Variants in GPR155 observed in about 807,000 individuals in gnomAD.
GPR155 encodes the protein lysosomal cholesterol signaling protein.
In GPR155, 65 loss-of-function variants were observed where a neutral mutation model predicts 93.1. That is an observed-to-expected ratio of 0.70 (90% confidence interval 0.57 to 0.86). The LOEUF (loss-of-function observed/expected upper bound fraction) is 0.86. GPR155 is among the 40% of genes least tolerant of loss of function. The probability of loss-of-function intolerance (pLI) is 0.00; values close to 1 mark genes in which losing one functional copy is unlikely to be tolerated. For synonymous variants in GPR155, 319 were observed against 360.1 expected (o/e 0.89, Z 1.29); for missense variants, 838 against 1,034.8 (o/e 0.81, Z 2.61).
Position 174,481,866 on chromosome 2 carries a change from T to C in GPR155, c.91A>G (p.Thr31Ala). The C allele has an allele frequency of 6.2e-7, 1 of 1,614,122 alleles. No homozygotes were observed. The highest frequency in any genetic ancestry group is 2.2e-5 in the East Asian group (1 of 44,882). The part of the protein sequence containing the change: ...PTAVTHGFNS[T>A]NDPPSMSITR... ...ATTGACATTGAAGGTGGGTCATTAG[T>C]GGAATTAAATCCATGCGTTACTGCT... Residue 31 changes from threonine to alanine, a missense_variant, in exon 2 of 16, where the codon ACT (threonine) becomes GCT (alanine). Transcript: ENST00000392552.
chr2:174,443,728 A>T (rs75289667), intron 13 of GPR155, among the ~76,000 whole-genome samples: 2 of 147,486 alleles, frequency 1.4e-5, no homozygotes, highest in Admixed American at 1.4e-4. Flanking sequence ...CATCTCAATT[A>T]AAAAAAAAAA....
At chr2:174,485,532 G>A (rs1271495637) in intron 1 of GPR155, among the ~76,000 whole-genome samples, 3 of 151,640 alleles carry the variant, frequency 2.0e-5, no homozygotes, top group Non-Finnish European at 4.4e-5. Context: ...GGGAGGCAGA[G>A]GTTGCAGTGA....
chr2:174,451,185 G>T (rs532770311), intron 11 of GPR155, among the ~76,000 whole-genome samples: 1 of 151,762 alleles, frequency 6.6e-6, no homozygotes, highest in Non-Finnish European at 1.5e-5. Context: ...GTGGTGGCAG[G>T]TGCCTGTAAT....
At chr2:174,458,391 G>C (rs866253076) in intron 10 of GPR155, among the ~76,000 whole-genome samples, 2 of 151,992 alleles carry the variant, frequency 1.3e-5, no homozygotes, top group Non-Finnish European at 1.5e-5. Context: ...AACTTAGAAG[G>C]GTCAAATTGA....
At chr2:174,451,729 G>C (rs1348576959) in intron 11 of GPR155, among the ~76,000 whole-genome samples, 3 of 152,114 alleles carry the variant, frequency 2.0e-5, no homozygotes, top group Non-Finnish European at 4.4e-5. Context: ...TATTGCAGCT[G>C]CAACCTCCTG....
intron 14 of GPR155, among the ~76,000 whole-genome samples, chr2:174,441,142 C>A (rs1337187460): frequency 6.6e-6 from 1 of 151,860 alleles, no homozygotes; most frequent in Admixed American, 6.6e-5. Context: ...TGTTTATAAC[C>A]TTTGTGTGGC....
At position 174,433,429 on chromosome 2, in the gene GPR155, G is replaced by C. The variant is rs145806211; in HGVS notation, c.*2687C>G. ...AGGAATCATATTTGTTCCAACTGTT[G>C]TGTGCTCAGTGTTCAGATTGTGTCT... On this transcript the variant is annotated 3_prime_UTR_variant, in exon 16 of 16. Transcript: ENST00000392552. 1 of 152,284 alleles carries C rather than the reference G, an allele frequency of 6.6e-6. No homozygotes were observed. Among genetic ancestry groups the C allele is most frequent in the East Asian group, 1.9e-4 (1 of 5,190 alleles). 9.4% of individuals were successfully genotyped at this position (152,284 alleles called of 1,614,324 possible).
At chr2:174,459,069 C>A (rs899417994) in intron 10 of GPR155, among the ~76,000 whole-genome samples, 1 of 151,948 alleles carries the variant, frequency 6.6e-6, no homozygotes, top group African/African-American at 2.4e-5. Flanking sequence ...GGTAACAGAG[C>A]GAGACTCTGT....
rs528682867 is a variant in GPR155, at chr2:174,436,256, G to A, written c.2473C>T (p.Arg825Trp). The change falls in exon 16 of 16, where the codon CGG becomes TGG. Residue 825 changes from arginine to tryptophan, a missense_variant. Physicochemically the swap from Arg to Trp is moderately radical, Grantham distance 101 (BLOSUM62 -3). Transcript: ENST00000392552. ...AATCTGTAAAACAAGTACTCATCCCGGAATTCATACTCGTTGGTAATATGT... is the reference window on the plus strand; with the variant it reads ...AATCTGTAAAACAAGTACTCATCCCAGAATTCATACTCGTTGGTAATATGT... ...IQHITNEYEF[R>W]DEYLFYRFLQ... 2 of 1,614,092 alleles carry A rather than the reference G, an allele frequency of 1.2e-6. No homozygotes were observed. Among genetic ancestry groups the A allele is most frequent in the East Asian group, 2.2e-5 (1 of 44,890 alleles).
chr2:174,466,469 C>G, intron 6 of GPR155, 75 bp downstream of exon 6: 1 of 850,756 alleles, frequency 1.2e-6, no homozygotes, highest in South Asian at 1.5e-5. Flanking sequence ...AAAAACCTAG[C>G]AAAGTTATTT....
chr2:174,460,762 T>C (rs538658930), intron 9 of GPR155, among the ~76,000 whole-genome samples: 23 of 152,328 alleles, frequency 1.5e-4, no homozygotes, highest in African/African-American at 4.3e-4. Flanking sequence ...AAGATGTTTT[T>C]ATGGTAATGA....
intron 2 of GPR155, among the ~76,000 whole-genome samples, chr2:174,474,214 T>C (rs1688079481): frequency 1.3e-5 from 2 of 152,008 alleles, no homozygotes; most frequent in Non-Finnish European, 1.5e-5. Context: ...CTCAAAGCAG[T>C]TTTTAACAGC....
intron 13 of GPR155, among the ~76,000 whole-genome samples, chr2:174,443,009 A>G (rs1490016627): frequency 1.3e-5 from 2 of 152,192 alleles, no homozygotes; most frequent in East Asian, 1.9e-4. Flanking sequence ...ACACAGCCCT[A>G]TGGAATGAAG....
At chr2:174,459,199 C>T (rs1456492333) in intron 10 of GPR155, among the ~76,000 whole-genome samples, 1 of 151,404 alleles carries the variant, frequency 6.6e-6, no homozygotes, top group Non-Finnish European at 1.5e-5. Flanking sequence ...AACTGACTTA[C>T]ATCATTAATC....
intron 7 of GPR155, among the ~76,000 whole-genome samples, chr2:174,462,816 G>C (rs1687738573): frequency 6.6e-6 from 1 of 152,106 alleles, no homozygotes; most frequent in Non-Finnish European, 1.5e-5. Flanking sequence ...CAACTTATAT[G>C]TAATTATGTA....
In GPR155 at chr2:174,460,054, A is replaced by G; in HGVS notation, c.1595T>C (p.Ile532Thr). The change falls in exon 10 of 16, where the codon ATC (isoleucine) becomes ACC (threonine). Residue 532 changes from isoleucine to threonine, a missense_variant. Ile to Thr is a moderately conservative substitution (Grantham distance 89). Around this residue, in one of 3 missense-constraint regions of GPR155, gnomAD observed 663 missense variants for 790.1 expected, o/e 0.84. Transcript: ENST00000392552. The stretch of plus-strand genomic sequence containing the variant: ...CATGAGGGATATGCCAGCTATCAGG[A>G]TGCTGCAGAACAGGGTGACTGCTGT... The part of the protein sequence containing the change: ...ITTAVTLFCS[I>T]LIAGISLMCM... 10 of 1,612,788 alleles carry G rather than the reference A, an allele frequency of 6.2e-6. No individual in the cohort carries two copies. Among genetic ancestry groups the G allele is most frequent in the Non-Finnish European group, 8.5e-6 (10 of 1,179,478 alleles).
chr2:174,484,249 T>C lies in GPR155; in HGVS notation c.-31-2262A>G, dbSNP rs548086946. Among the ~76,000 whole-genome samples, 5 of 152,350 alleles carry C rather than the reference T, an allele frequency of 3.3e-5. No homozygotes were observed. In the South Asian group the frequency reaches 1.0e-3, roughly 32 times the overall value. On this transcript the variant is annotated intron_variant, in intron 1 of 15. Transcript: ENST00000392552. ...AGTTTACCAAATAAGCATCAAATTA[T>C]ATCTTGGGAAAGCTACCGGTTGGTA...
intron 7 of GPR155, among the ~76,000 whole-genome samples, chr2:174,464,911 G>C (rs1687796274): frequency 6.6e-6 from 1 of 151,992 alleles, no homozygotes; most frequent in African/African-American, 2.4e-5. Flanking sequence ...GATCCTGAAG[G>C]CATGAAATCA....
chr2:174,451,786 C>T (rs991853027), intron 11 of GPR155, among the ~76,000 whole-genome samples: 4 of 152,038 alleles, frequency 2.6e-5, no homozygotes, highest in African/African-American at 9.7e-5. Context: ...GCTGGGATTA[C>T]AGGCATGAGC....
Sources: allele counts gnomAD v4.1 joint callset (sites outside exome capture counted in the v4.1 genomes callset), GRCh38; gene constraint gnomAD v4.1.1; regional missense constraint gnomAD v4.1.1; transcripts MANE v1.5; gene names NCBI Gene and HGNC (gene_info 2026-07-23, HGNC 2026-07-21).